Variants in NECTIN1 observed in about 807,000 individuals in gnomAD.
The protein encoded by NECTIN1 is nectin cell adhesion molecule 1.
NECTIN1 carries 23 observed loss-of-function variants against 48.0 expected under a neutral mutation model. The ratio of observed to expected loss-of-function variants is 0.48; its 90% CI spans 0.34 to 0.68. NECTIN1 has a LOEUF of 0.68. Among genes scored for constraint, NECTIN1 ranks in the 30% least tolerant of loss-of-function variants. The pLI, the probability that NECTIN1 is intolerant of heterozygous loss-of-function variation, is 0.01. For synonymous variants in NECTIN1, 270 were observed against 288.9 expected (o/e 0.93, Z 0.66); for missense variants, 591 against 709.9 (o/e 0.83, Z 1.90).
At chr11:119,689,695 A>C (rs941344234) in intron 1 of NECTIN1, among the ~76,000 whole-genome samples, 1 of 152,206 alleles carries the variant, frequency 6.6e-6, no homozygotes, top group Non-Finnish European at 1.5e-5. Flanking sequence ...GGTGGGGGCC[A>C]CTGGAGCAAC....
At chr11:119,646,362 G>A (rs1278140626) in intron 5 of NECTIN1, among the ~76,000 whole-genome samples, 1 of 152,138 alleles carries the variant, frequency 6.6e-6, no homozygotes, top group Non-Finnish European at 1.5e-5. Flanking sequence ...TGTAATACGT[G>A]GTTGCTATTT....
At chr11:119,716,871 C>T in intron 1 of NECTIN1, among the ~76,000 whole-genome samples, 1 of 152,066 alleles carries the variant, frequency 6.6e-6, no homozygotes, top group East Asian at 1.9e-4. Context: ...CGCACGCACG[C>T]ACACACACAC....
At chr11:119,659,649 C>T (rs149146932), downstream of NECTIN1, among the ~76,000 whole-genome samples, 1 of 152,272 alleles carries the variant, frequency 6.6e-6, no homozygotes, top group Non-Finnish European at 1.5e-5. Context: ...ATCCTGGCAC[C>T]AAGGCCTGGG....
chr11:119,725,268 T>C (rs369777396), intron 1 of NECTIN1, among the ~76,000 whole-genome samples: 2 of 151,834 alleles, frequency 1.3e-5, no homozygotes, highest in African/African-American at 2.4e-5. Flanking sequence ...GTAGCCAAGG[T>C]GGATTCATTG....
intron 1 of NECTIN1, among the ~76,000 whole-genome samples, chr11:119,679,084 G>A (rs1424558868): frequency 6.6e-6 from 1 of 152,098 alleles, no homozygotes; most frequent in Non-Finnish European, 1.5e-5. Flanking sequence ...TATCCCATAA[G>A]CTGCTTTTTT....
chr11:119,708,939 T>TC (rs1797614032), intron 1 of NECTIN1, among the ~76,000 whole-genome samples: 1 of 151,836 alleles, frequency 6.6e-6, no homozygotes, highest in Admixed American at 6.6e-5. Context: ...AGAGCACCGG[T>TC]CTTCTGAAGT....
chr11:119,676,441 C>T (rs1864949676), intron 4 of NECTIN1, among the ~76,000 whole-genome samples: 1 of 152,258 alleles, frequency 6.6e-6, no homozygotes, highest in African/African-American at 2.4e-5. Context: ...GCAGCTGTCT[C>T]CTGGCCACCC....
chr11:119,709,293 T>A lies in NECTIN1; in HGVS notation c.79+19182A>T, dbSNP rs967017327. Reference sequence around the variant, plus strand: ...GAGACCCCCTCACTCATATCCCCAGTGTACCAGGGCCTGTCTCAGCCCCTG... The same window carrying A: ...GAGACCCCCTCACTCATATCCCCAGAGTACCAGGGCCTGTCTCAGCCCCTG... On this transcript the variant is annotated intron_variant, in intron 1 of 5. Transcript: ENST00000264025. This position sits in a 1 kb window ranked among gnomAD's most constrained non-coding sequence, Gnocchi z 4.1. Among the ~76,000 whole-genome samples, 1 of 152,050 alleles carries A rather than the reference T, an allele frequency of 6.6e-6. No homozygotes were observed. The highest frequency in any genetic ancestry group is 2.4e-5 in the African/African-American group (1 of 41,380).
chr11:119,689,728 C>T (rs1865219403), intron 1 of NECTIN1, among the ~76,000 whole-genome samples: 1 of 152,196 alleles, frequency 6.6e-6, no homozygotes, highest in Admixed American at 6.5e-5. Context: ...GGCTCTCGAC[C>T]CCATCCCCTC....
intron 1 of NECTIN1, among the ~76,000 whole-genome samples, chr11:119,698,470 C>G (rs1010288908): frequency 6.6e-6 from 1 of 152,232 alleles, no homozygotes; most frequent in Non-Finnish European, 1.5e-5. Context: ...CCCTCAATTC[C>G]TCTTATTATA....
chr11:119,690,408 G>GC lies in NECTIN1; in HGVS notation c.80-11644_80-11643insG, dbSNP rs200324868. ...TCCTGGATCACAGACCTCCGAGCTG[G>GC]GGGGTGGCAGTCTTTATCCGATGTG... On this transcript the variant is annotated intron_variant, in intron 1 of 5. Coordinates refer to ENST00000264025, the MANE Select transcript of NECTIN1 (RefSeq NM_002855.5). Among the ~76,000 whole-genome samples the GC allele has an allele frequency of 5.9e-3, 898 of 152,356 alleles. 11 individuals are homozygous for GC. The highest frequency in any genetic ancestry group is 0.02 in the African/African-American group (819 of 41,594).
intron 5 of NECTIN1, among the ~76,000 whole-genome samples, chr11:119,669,676 C>T (rs562081199): frequency 6.6e-6 from 1 of 152,266 alleles, no homozygotes; most frequent in Non-Finnish European, 1.5e-5. Flanking sequence ...TACGCCCCGC[C>T]CCACCTCTGA....
intron 1 of NECTIN1, among the ~76,000 whole-genome samples, chr11:119,701,749 T>A (rs1231117791): frequency 6.6e-6 from 1 of 152,150 alleles, no homozygotes; most frequent in Admixed American, 6.5e-5. Flanking sequence ...TCCTTCCCGG[T>A]GCTTTATTTT....
downstream of NECTIN1, chr11:119,656,330 A>G (rs568376516): frequency 1.3e-5 from 2 of 152,366 alleles, no homozygotes; most frequent in South Asian, 2.1e-4. Flanking sequence ...TCGGCAGCAC[A>G]TGTACTAAAA....
chr11:119,674,408 G>C (rs530108648), intron 5 of NECTIN1: 5 of 1,516,826 alleles, frequency 3.3e-6, no homozygotes, highest in African/African-American at 2.8e-5. Flanking sequence ...CGGAACATTG[G>C]CCATTTATTG....
In NECTIN1 at chr11:119,664,513, A is replaced by T. The variant is rs1052755131; in HGVS notation, c.*234T>A. On this transcript the variant is annotated 3_prime_UTR_variant, in exon 6 of 6. Transcript: ENST00000264025. The stretch of plus-strand genomic sequence containing the variant: ...TAAAGGGAAGATACAGTAACACTAA[A>T]GCCACAGTCGAACACAACACCATGG... The T allele has an allele frequency of 7.1e-7, 1 of 1,402,384 alleles. No individual in the cohort carries two copies. Among genetic ancestry groups the T allele is most frequent in the African/African-American group, 1.4e-5 (1 of 69,254 alleles). The allele number at this position is 1,402,384 out of a possible 1,614,324, so 86.9% of individuals were successfully genotyped here.
chr11:119,724,979 T>C (rs750656297), intron 1 of NECTIN1, among the ~76,000 whole-genome samples: 1 of 152,212 alleles, frequency 6.6e-6, no homozygotes, highest in Non-Finnish European at 1.5e-5. Context: ...CACCTCTCTG[T>C]CTGTCCCTCT....
chr11:119,675,042 C>T, intron 5 of NECTIN1, 117 bp downstream of exon 5: 2 of 1,270,432 alleles, frequency 1.6e-6, no homozygotes, highest in Non-Finnish European at 2.2e-6. Context: ...CAAGGGAGAA[C>T]TAGAGAAGCA....
intron 1 of NECTIN1, among the ~76,000 whole-genome samples, chr11:119,698,090 C>G (rs1390003429): frequency 6.6e-6 from 1 of 152,244 alleles, no homozygotes; most frequent in Non-Finnish European, 1.5e-5. Context: ...CTGCCCAGGC[C>G]CAGGCCCTGC....
Sources: gnomAD v4.1 joint callset for allele counts (sites outside exome capture counted in the v4.1 genomes callset) on GRCh38, gnomAD v4.1.1 for gene constraint, Gnocchi (gnomAD v3.1) non-coding constraint, MANE v1.5 for transcripts, NCBI Gene and HGNC (gene_info 2026-07-23, HGNC 2026-07-21) for gene names.